KAT2B: variants seen among roughly 807,000 people sequenced by gnomAD.
KAT2B encodes the protein histone acetyltransferase KAT2B.
A neutral mutation model predicts 105.9 loss-of-function variants in KAT2B; 36 were observed. That is an observed-to-expected ratio of 0.34 (90% CI 0.26 to 0.45). The LOEUF is 0.45. KAT2B is among the 20% of genes least tolerant of loss of function. The pLI is 1.00. For missense variants in KAT2B, 820 were observed against 1,021.6 expected (o/e 0.80, Z 2.69); for synonymous variants, 397 against 377.9 (o/e 1.05, Z -0.59).
intron 17 of KAT2B, chr3:20,148,994 C>T (rs1221308630): frequency 6.4e-6 from 1 of 155,430 alleles, no homozygotes; most frequent in Non-Finnish European, 1.4e-5. Context: ...TTGATGGGTA[C>T]TGTTAATGTC....
intron 11 of KAT2B, among the ~76,000 whole-genome samples, chr3:20,135,884 C>G (rs1378086381): frequency 6.6e-6 from 1 of 152,084 alleles, no homozygotes; most frequent in African/African-American, 2.4e-5. Context: ...ATAACAATGA[C>G]CAGATCTTGG....
intron 1 of KAT2B, among the ~76,000 whole-genome samples, chr3:20,051,575 T>A (rs1697916732): frequency 1.3e-5 from 2 of 152,218 alleles, no homozygotes; most frequent in South Asian, 4.1e-4. Flanking sequence ...CAATGCCACC[T>A]TTCTTATGTG....
At chr3:20,087,355 T>C (rs1575125433) in intron 2 of KAT2B, among the ~76,000 whole-genome samples, 1 of 152,120 alleles carries the variant, frequency 6.6e-6, no homozygotes, top group East Asian at 1.9e-4. Flanking sequence ...GAGAAAATAA[T>C]TTATTTTTTT....
At chr3:20,121,476 G>A (rs1215293577) in intron 8 of KAT2B, among the ~76,000 whole-genome samples, 3 of 152,130 alleles carry the variant, frequency 2.0e-5, no homozygotes, top group South Asian at 2.1e-4. Context: ...TGAGGAAAGC[G>A]GAAGAAAGTT....
At chr3:20,127,857 C>T (rs1288492942) in intron 11 of KAT2B, among the ~76,000 whole-genome samples, 5 of 152,198 alleles carry the variant, frequency 3.3e-5, no homozygotes, top group Non-Finnish European at 7.3e-5. Context: ...ATCCCTTGCA[C>T]GCATAGTTCA....
At chr3:20,072,777 G>T (rs934371342) in intron 2 of KAT2B, among the ~76,000 whole-genome samples, 1 of 152,188 alleles carries the variant, frequency 6.6e-6, no homozygotes, top group Admixed American at 6.5e-5. Flanking sequence ...CATTTTGGGG[G>T]TTGGGGCCTG....
intron 1 of KAT2B, 42 bp downstream of exon 1, chr3:20,040,822 G>C: frequency 1.3e-6 from 2 of 1,529,806 alleles, no homozygotes; most frequent in Non-Finnish European, 1.7e-6. Context: ...GGTGCTAGGG[G>C]CCCAGCCCGC....
At chr3:20,126,224 C>A in intron 10 of KAT2B, 111 bp downstream of exon 10, 1 of 851,106 alleles carries the variant, frequency 1.2e-6, no homozygotes, top group Non-Finnish European at 1.8e-6. Flanking sequence ...CTGCACCTGT[C>A]TTGCTGTGGA....
chr3:20,148,412 AGC>A lies in KAT2B; in HGVS notation c.2233_2234del (p.Ala745LeufsTer17). 1 of 1,610,694 alleles carries A rather than the reference AGC, an allele frequency of 6.2e-7. No individual in the cohort carries two copies. The highest frequency in any genetic ancestry group is 8.5e-7 in the Non-Finnish European group (1 of 1,178,964). ...SILQQVKSHQ[S>X]AWPFMEPVKR... ...TTTTTCTTTACCCAAGAGCCATCAAAGCGCTTGGCCCTTCATGGAACCTGTGA... is the reference window on the plus strand; with the variant it reads ...TTTTTCTTTACCCAAGAGCCATCAAAGCTTGGCCCTTCATGGAACCTGTGA... On this transcript the variant is annotated frameshift_variant, in exon 17 of 18. Coordinates refer to ENST00000263754, the MANE Select transcript of KAT2B (RefSeq NM_003884.5). LOFTEE classifies it high-confidence loss of function.
intron 9 of KAT2B, among the ~76,000 whole-genome samples, chr3:20,125,557 G>T (rs1262339596): frequency 6.6e-6 from 1 of 152,208 alleles, no homozygotes. Flanking sequence ...TATAGCAGAA[G>T]AAGGAGTAGT....
chr3:20,091,596 G>T (rs927617241), intron 2 of KAT2B, among the ~76,000 whole-genome samples: 1 of 151,886 alleles, frequency 6.6e-6, no homozygotes, highest in Non-Finnish European at 1.5e-5. Context: ...GTTCATTTGA[G>T]ATCTTTTTTC....
chr3:20,105,435 AC>A (rs1176850427), intron 5 of KAT2B, among the ~76,000 whole-genome samples: 1 of 151,894 alleles, frequency 6.6e-6, no homozygotes, highest in Admixed American at 6.6e-5. Context: ...ATTGTGTAGA[AC>A]TTTTGAAAGT....
chr3:20,147,902 CTA>C lies in KAT2B; in HGVS notation c.2120-59_2120-58del. ...ATTTCTTGTTTTTGATAAGTATTAA[CTA>C]TGTTATTCTCTTGACCAAAAGCACT... On this transcript the variant is annotated intron_variant, in intron 14 of 17. Transcript: ENST00000263754. 4.0e-6 allele frequency: 6 copies of C among 1,494,762 alleles called. 1 individual carries two copies. In the South Asian group the frequency reaches 4.8e-5, roughly 12 times the overall value. The allele number at this position is 1,494,762 out of a possible 1,614,324, so 92.6% of individuals were successfully genotyped here.
rs1699396492 is a variant in KAT2B at position 20,125,998 on chromosome 3, C to T, written c.1507C>T (p.Leu503Phe). 6.2e-7 allele frequency: 1 copy of T among 1,614,064 alleles called. No individual in the cohort carries two copies. ...TGAATTTCACGTGGTTGGCAATTCC[C>T]TCAACCAGAAACCAAACAAGAAGAT... ...VIEFHVVGNS[L>F]NQKPNKKILM... is the part of the protein sequence containing the mutation. The change falls in exon 10 of 18, where the codon CTC (leucine) becomes TTC (phenylalanine). Residue 503 changes from leucine to phenylalanine, a missense_variant. Transcript: ENST00000263754.
Position 20,119,604 on chromosome 3 carries a change from A to G in KAT2B, c.1157A>G (p.Asn386Ser), listed in dbSNP as rs17006625. 23,452 of 1,613,994 alleles carry G rather than the reference A, an allele frequency of 0.015. 1,243 individuals carry two copies. In the East Asian group the frequency reaches 0.19, roughly 13 times the overall value. The change falls in exon 8 of 18, where the codon AAT (asparagine) becomes AGT (serine). Residue 386 changes from asparagine (N) to serine (S), a missense_variant. By Grantham distance (46) the Asn-to-Ser change is conservative. Transcript: ENST00000263754. ...TCTCCTTTTGCCGGGGCAGTTATCA[A>G]TCCACCTCCTGTGGCTGGGACAATT... is the stretch of plus-strand genomic sequence containing the variant. ...TSQLGIQTVI[N>S]PPPVAGTISY...
intron 2 of KAT2B, among the ~76,000 whole-genome samples, chr3:20,090,432 A>G (rs1559309475): frequency 2.0e-5 from 3 of 152,150 alleles, no homozygotes; most frequent in Non-Finnish European, 2.9e-5. Flanking sequence ...AATTTTGTCA[A>G]ATGCTTTTTC....
At position 20,153,591 on chromosome 3, in the gene KAT2B, C is replaced by T. The variant is rs1053505015; in HGVS notation, c.*1066C>T. 2.6e-5 allele frequency: 4 copies of T among 152,524 alleles called. No individual in the cohort carries two copies. The highest frequency in any genetic ancestry group is 7.2e-5 in the African/African-American group (3 of 41,418). The allele number at this position is 152,524 out of a possible 1,614,324, so 9.4% of individuals were successfully genotyped here. On this transcript the variant is annotated 3_prime_UTR_variant, in exon 18 of 18. Transcript: ENST00000263754. ...TAGTATATGCGTCCAGGGTCATAAC[C>T]CCCTAAAATCCATCATGCAACCTTA...
At chr3:20,041,062 G>A (rs1697709982) in intron 1 of KAT2B, among the ~76,000 whole-genome samples, 1 of 152,160 alleles carries the variant, frequency 6.6e-6, no homozygotes. Flanking sequence ...GGGCTACCTT[G>A]GGGTTTTGTT....
chr3:20,099,452 A>G (rs11128938), intron 3 of KAT2B, among the ~76,000 whole-genome samples: 32,468 of 151,922 alleles, frequency 0.21, 4,538 homozygotes, highest in East Asian at 0.43. Flanking sequence ...GCACACCTAT[A>G]GTGGCCTGGA....
Sources: allele counts gnomAD v4.1 joint callset (sites outside exome capture counted in the v4.1 genomes callset), GRCh38; gene constraint gnomAD v4.1.1; transcripts MANE v1.5; gene names NCBI Gene and HGNC (gene_info 2026-07-23, HGNC 2026-07-21).